ZFAT: variants seen among roughly 807,000 people sequenced by gnomAD.
ZFAT encodes zinc finger protein ZFAT.
A neutral mutation model predicts 117.7 loss-of-function variants in ZFAT; 64 were observed. The observed-to-expected ratio is 0.54, with a 90% CI of 0.44 to 0.67. The LOEUF is 0.67. ZFAT is among the 30% of genes least tolerant of loss of function. The pLI is 0.00. For missense variants in ZFAT, 1,433 were observed against 1,584.5 expected (o/e 0.90, Z 1.62); for synonymous variants, 679 against 615.0 (o/e 1.10, Z -1.54).
intron 15 of ZFAT, among the ~76,000 whole-genome samples, chr8:134,482,289 T>C (rs756981447): frequency 3.3e-5 from 5 of 152,150 alleles, no homozygotes. Flanking sequence ...AAACAGTGCA[T>C]GAACAGGGCT....
intron 2 of ZFAT, among the ~76,000 whole-genome samples, chr8:134,643,003 T>C (rs17772163): frequency 0.44 from 67,422 of 152,140 alleles, 15,076 homozygotes; most frequent in South Asian, 0.6. Context: ...CATCCCAAGC[T>C]TGCTCCTTGT....
intron 10 of ZFAT, among the ~76,000 whole-genome samples, chr8:134,574,108 G>T (rs966804930): frequency 2.0e-5 from 3 of 152,194 alleles, no homozygotes; most frequent in Non-Finnish European, 4.4e-5. Flanking sequence ...TTCGCTTCCC[G>T]TTGACTCTCC....
chr8:134,730,336 C>T, the ZFAT span, among the ~76,000 whole-genome samples: 1 of 152,226 alleles, frequency 6.6e-6, no homozygotes, highest in African/African-American at 2.4e-5. Flanking sequence ...CCATGACTCT[C>T]GCCTTTTAAA....
chr8:134,736,908 A>T, the ZFAT span, among the ~76,000 whole-genome samples: 2 of 152,024 alleles, frequency 1.3e-5, no homozygotes, highest in Non-Finnish European at 2.9e-5. Flanking sequence ...CTCTTATTGG[A>T]TTGTATATAG....
chr8:134,827,873 G>A, the ZFAT span, among the ~76,000 whole-genome samples: 10 of 151,856 alleles, frequency 6.6e-5, no homozygotes, highest in Non-Finnish European at 1.5e-4. Flanking sequence ...ATTGGGAATA[G>A]AAAAATTAAG....
Position 134,528,237 on chromosome 8 carries a change from T to C in ZFAT, c.3115+4597A>G, listed in dbSNP as rs115121131. 7.4e-3 allele frequency among the ~76,000 whole-genome samples: 1,131 copies of C among 152,322 alleles called. 18 individuals carry two copies. Among genetic ancestry groups the C allele is most frequent in the African/African-American group, 0.026 (1,080 of 41,556 alleles). ...CTTGGTGTGACCTGAGGTCAGTCAT[T>C]AGCACTCCCTTCATTTCTTTATTTC... On this transcript the variant is annotated intron_variant, in intron 12 of 15. Transcript: ENST00000377838.
At chr8:134,819,429 T>C in the ZFAT span, among the ~76,000 whole-genome samples, 1 of 151,048 alleles carries the variant, frequency 6.6e-6, no homozygotes, top group Non-Finnish European at 1.5e-5. Context: ...AGACATTAAA[T>C]GTATCTGCAG....
At chr8:134,758,738 A>C in the ZFAT span, among the ~76,000 whole-genome samples, 1 of 152,242 alleles carries the variant, frequency 6.6e-6, no homozygotes, top group Non-Finnish European at 1.5e-5. Flanking sequence ...TTGGGTTACA[A>C]GACCACCCTT....
intron 15 of ZFAT, among the ~76,000 whole-genome samples, chr8:134,502,943 G>T (rs1350650291): frequency 3.9e-5 from 6 of 152,182 alleles, no homozygotes; most frequent in Non-Finnish European, 8.8e-5. Flanking sequence ...CAAAAGAGAG[G>T]GGCAACCCCA....
chr8:134,639,860 C>T, intron 2 of ZFAT: 1 of 442,562 alleles, frequency 2.3e-6, no homozygotes, highest in Non-Finnish European at 4.5e-6. Context: ...CAGTGACAGA[C>T]TCTGCCATCC....
intron 1 of ZFAT, among the ~76,000 whole-genome samples, chr8:134,666,748 G>A (rs745455937): frequency 3.9e-5 from 6 of 152,082 alleles, no homozygotes; most frequent in Non-Finnish European, 8.8e-5. Context: ...AAAGAACAGT[G>A]CCCCCAAGGA....
chr8:134,657,142 T>C (rs1831656811), intron 2 of ZFAT, among the ~76,000 whole-genome samples: 2 of 152,228 alleles, frequency 1.3e-5, no homozygotes, highest in South Asian at 4.1e-4. Flanking sequence ...TTAGGTCCTG[T>C]AGGCATATTC....
chr8:134,562,212 A>G (rs1223807122), intron 11 of ZFAT, among the ~76,000 whole-genome samples: 1 of 152,184 alleles, frequency 6.6e-6, no homozygotes, highest in Non-Finnish European at 1.5e-5. Context: ...TAGAAGCCAG[A>G]AATGCAAGGA....
intron 10 of ZFAT, among the ~76,000 whole-genome samples, chr8:134,579,992 G>T (rs1470946694): frequency 1.3e-5 from 2 of 151,320 alleles, no homozygotes; most frequent in African/African-American, 4.9e-5. Flanking sequence ...CCCACAGGCT[G>T]AACCCTGTGG....
At chr8:134,668,967 G>A (rs1027219183) in intron 1 of ZFAT, among the ~76,000 whole-genome samples, 40 of 152,290 alleles carry the variant, frequency 2.6e-4, no homozygotes, top group African/African-American at 9.4e-4. Flanking sequence ...ACAAGTTTCA[G>A]TAGCCGATTC....
At chr8:134,513,469 G>A (rs922493851) in intron 13 of ZFAT, among the ~76,000 whole-genome samples, 3 of 152,152 alleles carry the variant, frequency 2.0e-5, no homozygotes, top group Admixed American at 1.3e-4. Context: ...CACCACGCTC[G>A]GCTGTGCCAT....
chr8:134,496,721 G>T (rs758895985), intron 15 of ZFAT, among the ~76,000 whole-genome samples: 17 of 152,208 alleles, frequency 1.1e-4, no homozygotes, highest in Non-Finnish European at 2.2e-4. Flanking sequence ...GGGGGGAAAA[G>T]CCATGTGTAT....
the ZFAT span, among the ~76,000 whole-genome samples, chr8:134,724,816 T>A: frequency 1.3e-5 from 2 of 152,104 alleles, no homozygotes; most frequent in Non-Finnish European, 2.9e-5. Context: ...GAGTCAAGAT[T>A]ACCATGGGCT....
the ZFAT span, among the ~76,000 whole-genome samples, chr8:134,828,615 T>C: frequency 6.6e-6 from 1 of 152,176 alleles, no homozygotes; most frequent in East Asian, 1.9e-4. Context: ...CTCCCTTTCC[T>C]CCTTATCCCC....
Sources: allele counts gnomAD v4.1 joint callset (sites outside exome capture counted in the v4.1 genomes callset), GRCh38; gene constraint gnomAD v4.1.1; transcripts MANE v1.5; gene names NCBI Gene and HGNC (gene_info 2026-07-23, HGNC 2026-07-21).